Variants in RBM39 observed in about 807,000 individuals in gnomAD.
RBM39 encodes the protein RNA binding motif protein 39, also known as RNA-binding protein 39.
Under a neutral mutation model 79.6 loss-of-function variants are expected in RBM39, and 12 were observed. The observed-to-expected ratio is 0.15, with a 90% CI of 0.10 to 0.24. The LOEUF (loss-of-function observed/expected upper bound fraction) is 0.24, where lower values mean the gene tolerates loss of function less well. Among genes scored for constraint, RBM39 ranks in the 10% least tolerant of loss-of-function variants. The pLI is 1.00. For missense variants in RBM39, 243 were observed against 653.4 expected (o/e 0.37, Z 6.85); for synonymous variants, 185 against 208.4 (o/e 0.89, Z 0.97).
At chr20:35,739,449 G>T (rs868629159) in intron 2 of RBM39, 2 of 471,168 alleles carry the variant, frequency 4.2e-6, no homozygotes, top group Admixed American at 2.4e-5. Context: ...AGCCACTATC[G>T]ATTTCCTGTG....
chr20:35,724,826 T>A lies in RBM39; in HGVS notation c.535-104A>T. The stretch of plus-strand genomic sequence containing the variant: ...ATGAAGGTATTTTTAAAAATTTAAT[T>A]AAAAAAGTAAATCTGTAGGACAATT... On this transcript the variant is annotated intron_variant, in intron 7 of 16. Coordinates refer to ENST00000253363, the MANE Select transcript of RBM39 (RefSeq NM_184234.3). 4 of 1,344,518 alleles carry A rather than the reference T, an allele frequency of 3.0e-6. No individual in the cohort carries two copies. In the South Asian group the frequency reaches 4.3e-5, roughly 15 times the overall value. The allele number at this position is 1,344,518 out of a possible 1,614,324, so 83.3% of individuals were successfully genotyped here.
chr20:35,734,950 C>T (rs2039749119), intron 3 of RBM39: 1 of 1,603,094 alleles, frequency 6.2e-7, no homozygotes, highest in Non-Finnish European at 8.5e-7. Flanking sequence ...CTGAACATCA[C>T]TGAAGTAAAT....
chr20:35,728,374 C>T (rs2038991576), intron 6 of RBM39, among the ~76,000 whole-genome samples: 1 of 152,170 alleles, frequency 6.6e-6, no homozygotes, highest in Admixed American at 6.5e-5. Flanking sequence ...ACACTGTATA[C>T]ATGTATCAAA....
rs112043238 is a variant in RBM39 at position 35,731,101 on chromosome 20, G to T, written c.296+840C>A. 5.5e-3 allele frequency among the ~76,000 whole-genome samples: 841 copies of T among 152,224 alleles called. 10 individuals carry two copies. The highest frequency in any genetic ancestry group is 0.02 in the African/African-American group (821 of 41,554). On this transcript the variant is annotated intron_variant, in intron 4 of 16. Transcript: ENST00000253363. ...TTAGGGGATTAAGTATCTTGCCCAA[G>T]TGATTCGGGTCTGTTTGTCTTTGAA...
intron 10 of RBM39, among the ~76,000 whole-genome samples, chr20:35,714,892 C>T (rs1298857510): frequency 6.6e-6 from 1 of 151,724 alleles, no homozygotes; most frequent in African/African-American, 2.4e-5. Flanking sequence ...ACACATATAC[C>T]CACAATGGCT....
chr20:35,738,323 C>T (rs1221760201), intron 3 of RBM39, among the ~76,000 whole-genome samples: 2 of 152,150 alleles, frequency 1.3e-5, no homozygotes, highest in Admixed American at 6.5e-5. Flanking sequence ...TAAGACTTTT[C>T]GTACACTGTT....
Position 35,732,223 on chromosome 20 carries a change from C to T in RBM39, c.102-88G>A, listed in dbSNP as rs2039446516. 4.1e-6 allele frequency: 5 copies of T among 1,227,756 alleles called. No individual in the cohort carries two copies. In the South Asian group the frequency reaches 6.4e-5, roughly 16 times the overall value. 76.1% of individuals were successfully genotyped at this position (1,227,756 alleles called of 1,614,324 possible). A position where few individuals can be genotyped will look rare whatever the true frequency, so the allele number is the denominator to read the frequency against. Reference sequence around the variant, plus strand: ...TTTATGGCCAGAATCATTTTTTCATCCTTTCATAAATTTCTTTGGCTAGTT... The same window carrying T: ...TTTATGGCCAGAATCATTTTTTCATTCTTTCATAAATTTCTTTGGCTAGTT... On this transcript the variant is annotated intron_variant, in intron 3 of 16. Transcript: ENST00000253363.
At chr20:35,730,132 T>A (rs1569055664) in intron 4 of RBM39, among the ~76,000 whole-genome samples, 1 of 152,220 alleles carries the variant, frequency 6.6e-6, no homozygotes, top group Non-Finnish European at 1.5e-5. Flanking sequence ...CTTCAGTTGT[T>A]TGTTGCAAAA....
chr20:35,737,867 A>G (rs1243997001), intron 3 of RBM39, among the ~76,000 whole-genome samples: 2 of 143,306 alleles, frequency 1.4e-5, no homozygotes, highest in Non-Finnish European at 3.0e-5. Flanking sequence ...AAAAAAAAAA[A>G]AAAAGGCCAG....
At chr20:35,714,415 G>A in intron 10 of RBM39, 26 bp from the exon 11 acceptor site, 1 of 1,598,250 alleles carries the variant, frequency 6.3e-7, no homozygotes, top group South Asian at 1.1e-5. Flanking sequence ...GGCAAGGACA[G>A]GAGACAGTGC....
Position 35,734,741 on chromosome 20 carries a change from A to G in RBM39, c.102-2606T>C. Reference sequence around the variant, plus strand: ...GCAGGTAAAAAGACAGCAACATACTAAGACATTCAGAAAATACAATCTTTT... The same window carrying G: ...GCAGGTAAAAAGACAGCAACATACTGAGACATTCAGAAAATACAATCTTTT... On this transcript the variant is annotated intron_variant, in intron 3 of 16. Coordinates refer to ENST00000253363, the MANE Select transcript of RBM39 (RefSeq NM_184234.3). 3.4e-6 allele frequency: 4 copies of G among 1,173,286 alleles called. No homozygotes were observed. In the South Asian group the frequency reaches 1.0e-4, roughly 30 times the overall value. The allele number at this position is 1,173,286 out of a possible 1,614,324, so 72.7% of individuals were successfully genotyped here.
intron 9 of RBM39, 144 bp downstream of exon 9, chr20:35,721,596 G>A (rs912104739): frequency 6.9e-6 from 6 of 875,380 alleles, no homozygotes; most frequent in Non-Finnish European, 1.0e-5. Context: ...TTTAATCTAT[G>A]TTGTCACAGA....
chr20:35,722,421 T>TA lies in RBM39; in HGVS notation c.688-545dup, dbSNP rs1284227161. 4.7e-4 allele frequency among the ~76,000 whole-genome samples: 42 copies of TA among 90,236 alleles called. 1 individual carries two copies. Among genetic ancestry groups the TA allele is most frequent in the South Asian group, 1.3e-3 (4 of 3,126 alleles). The allele number at this position is 90,236 out of a possible 152,430, so 59.2% of individuals were successfully genotyped here. The stretch of plus-strand genomic sequence containing the variant: ...GACTCAGTCTCAAAAAAAATAAAAA[T>TA]AAAAAAAAAAATAAAAATAAAAAGT... On this transcript the variant is annotated intron_variant, in intron 8 of 16. Coordinates refer to ENST00000253363, the MANE Select transcript of RBM39 (RefSeq NM_184234.3).
At chr20:35,710,908 G>A (rs1568994959) in intron 12 of RBM39, among the ~76,000 whole-genome samples, 1 of 152,104 alleles carries the variant, frequency 6.6e-6, no homozygotes, top group Non-Finnish European at 1.5e-5. Context: ...AAAGGGTAGG[G>A]ACACTATTGT....
chr20:35,704,826 T>C, intron 15 of RBM39, 80 bp from the exon 16 acceptor site: 1 of 1,212,444 alleles, frequency 8.2e-7, no homozygotes, highest in South Asian at 1.3e-5. Flanking sequence ...AAGTTGCCTG[T>C]AGAAACTTAG....
At chr20:35,706,588 T>C (rs2035757412) in intron 14 of RBM39, among the ~76,000 whole-genome samples, 1 of 152,170 alleles carries the variant, frequency 6.6e-6, no homozygotes, top group Non-Finnish European at 1.5e-5. Flanking sequence ...AGTTAAAAAA[T>C]AGCATTCTAA....
intron 2 of RBM39, chr20:35,740,374 A>T: frequency 2.7e-6 from 1 of 368,248 alleles, no homozygotes; most frequent in Non-Finnish European, 5.4e-6. Context: ...AACTTGCCAC[A>T]GACTGGTCAT....
chr20:35,740,559 G>A, intron 2 of RBM39: 1 of 1,415,582 alleles, frequency 7.1e-7, no homozygotes, highest in Non-Finnish European at 9.4e-7. Flanking sequence ...AATCAAAGGT[G>A]AATTCATGGG....
intron 3 of RBM39, among the ~76,000 whole-genome samples, chr20:35,736,297 G>T (rs574828687): frequency 6.6e-6 from 1 of 152,074 alleles, no homozygotes; most frequent in Non-Finnish European, 1.5e-5. Flanking sequence ...AACCCAACCT[G>T]ATCCCCACAA....
Sources: allele counts gnomAD v4.1 joint callset (sites outside exome capture counted in the v4.1 genomes callset), GRCh38; gene constraint gnomAD v4.1.1; transcripts MANE v1.5; gene names NCBI Gene and HGNC (gene_info 2026-07-23, HGNC 2026-07-21).